The following VPS36 variants were observed in gnomAD, a reference collection of about 807,000 sequenced individuals.
VPS36 encodes the protein vacuolar protein sorting 36 homolog, also known as vacuolar protein-sorting-associated protein 36.
VPS36 carries 31 observed loss-of-function variants against 63.5 expected under a neutral mutation model. That is an observed-to-expected ratio of 0.49 (90% CI 0.37 to 0.66). The LOEUF is 0.66. Among genes scored for constraint, VPS36 ranks in the 30% least tolerant of loss-of-function variants. The pLI is 0.00. For missense variants in VPS36, 338 were observed against 463.7 expected (o/e 0.73, Z 2.49); for synonymous variants, 138 against 157.2 (o/e 0.88, Z 0.91).
At chr13:52,425,063 A>C (rs1040975784) in intron 9 of VPS36, among the ~76,000 whole-genome samples, 30 of 151,786 alleles carry the variant, frequency 2.0e-4, no homozygotes, top group Non-Finnish European at 2.9e-5. Context: ...GATTGAGACT[A>C]CGGTGAAACC....
rs535346747 is a variant in VPS36 at position 52,413,414 on chromosome 13, A to C, written c.*2416T>G. ...TAAGCAACTCTTAATTATAAAATCC[A>C]AAGGAAAAATTCTTAACATAACTGG... On this transcript the variant is annotated 3_prime_UTR_variant, in exon 14 of 14. Transcript: ENST00000378060. 1 of 152,378 alleles carries C rather than the reference A, an allele frequency of 6.6e-6. No individual in the cohort carries two copies. Among genetic ancestry groups the C allele is most frequent in the African/African-American group, 2.4e-5 (1 of 41,592 alleles). 9.4% of individuals were successfully genotyped at this position (152,378 alleles called of 1,614,324 possible).
chr13:52,423,485 A>T, intron 10 of VPS36, 89 bp downstream of exon 10: 1 of 1,167,296 alleles, frequency 8.6e-7, no homozygotes, highest in Non-Finnish European at 1.3e-6. Context: ...TAGCTTTGAT[A>T]TTCACAACCC....
intron 9 of VPS36, 37 bp downstream of exon 9, chr13:52,425,895 C>T (rs772030500): frequency 6.3e-7 from 1 of 1,586,296 alleles, no homozygotes. Context: ...GCTAATTTAA[C>T]ACAGTTTAAA....
In VPS36 at chr13:52,415,724, G is replaced by A. The variant is rs962465633; in HGVS notation, c.*106C>T. ...AAAGAGATTTACATTGCACTGTGAA[G>A]TTCCAATAAATTCTCAATTGATCGG... On this transcript the variant is annotated 3_prime_UTR_variant, in exon 14 of 14. Transcript: ENST00000378060. The A allele has an allele frequency of 9.5e-6, 10 of 1,048,614 alleles. No individual in the cohort carries two copies. In the African/African-American group the frequency reaches 1.6e-4, roughly 17 times the overall value. The allele number at this position is 1,048,614 out of a possible 1,614,324, so 65.0% of individuals were successfully genotyped here. A position where few individuals can be genotyped will look rare whatever the true frequency, so the allele number is the denominator to read the frequency against.
Position 52,414,055 on chromosome 13 carries a change from G to C in VPS36, c.*1775C>G, listed in dbSNP as rs1230561645. 6.6e-6 allele frequency: 1 copy of C among 152,106 alleles called. No homozygotes were observed. The highest frequency in any genetic ancestry group is 2.1e-4 in the South Asian group (1 of 4,826). 9.4% of individuals were successfully genotyped at this position (152,106 alleles called of 1,614,324 possible). The stretch of plus-strand genomic sequence containing the variant: ...ATATGTTAAATTATGTAGGTTTGCA[G>C]TAATGAATCCAAACCATTAGCGCTA... On this transcript the variant is annotated 3_prime_UTR_variant, in exon 14 of 14. Transcript: ENST00000378060.
chr13:52,450,477 G>C (rs534506363), intron 1 of VPS36, 22 bp downstream of exon 1: 2 of 1,582,360 alleles, frequency 1.3e-6, no homozygotes, highest in South Asian at 2.3e-5. Flanking sequence ...CAGCCCGTTG[G>C]GAAGGTTGGC....
At chr13:52,440,934 C>G (rs1159032676) in intron 2 of VPS36, among the ~76,000 whole-genome samples, 1 of 152,118 alleles carries the variant, frequency 6.6e-6, no homozygotes, top group African/African-American at 2.4e-5. Flanking sequence ...GACCATCAGG[C>G]ATTAGACTCT....
At chr13:52,431,462 C>T (rs1566086311) in intron 6 of VPS36, among the ~76,000 whole-genome samples, 1 of 151,908 alleles carries the variant, frequency 6.6e-6, no homozygotes, top group Non-Finnish European at 1.5e-5. Flanking sequence ...ATATCATTTC[C>T]CACTAAAAGA....
rs2137767322 is a variant in VPS36, at chr13:52,416,145, T to G, written c.991-52A>C. ...AATGTAATTAATTTAGGACACTAAT[T>G]TAAACACACTCTGGGTTCTAATGGT... On this transcript the variant is annotated intron_variant, in intron 12 of 13. Transcript: ENST00000378060. 4 of 1,559,582 alleles carry G rather than the reference T, an allele frequency of 2.6e-6. No individual in the cohort carries two copies. The East Asian group carries it at 9.0e-5, about 35-fold the overall frequency.
intron 2 of VPS36, among the ~76,000 whole-genome samples, chr13:52,439,416 A>G (rs1438988394): frequency 6.6e-6 from 1 of 152,008 alleles, no homozygotes; most frequent in Non-Finnish European, 1.5e-5. Flanking sequence ...TGTTTTTACA[A>G]TGGGTGTATT....
chr13:52,439,063 T>C, intron 3 of VPS36, 35 bp downstream of exon 3: 1 of 1,590,798 alleles, frequency 6.3e-7, no homozygotes. Context: ...GGAAATGTTT[T>C]CTGTGAATAA....
In VPS36 at chr13:52,433,751, G is replaced by GAAAAAAAA. The variant is rs555586882; in HGVS notation, c.442-11_442-4dup. The GAAAAAAAA allele has an allele frequency of 7.8e-7, 1 of 1,284,098 alleles. No individual in the cohort carries two copies. 79.5% of individuals were successfully genotyped at this position (1,284,098 alleles called of 1,614,324 possible). A position where few individuals can be genotyped will look rare whatever the true frequency, so the allele number is the denominator to read the frequency against. On this transcript the variant is annotated splice_region_variant and splice_polypyrimidine_tract_variant and intron_variant, in intron 5 of 13. Coordinates refer to ENST00000378060, the MANE Select transcript of VPS36 (RefSeq NM_016075.4). ...CCTACAGCCCTTATTCTTCCTGGCT[G>GAAAAAAAA]AAAAAAAAAAGAGGTAGAAAATAAA...
rs553038877 is a variant in VPS36 at position 52,445,438 on chromosome 13, G to T, written c.97-2993C>A. ...GCGGATCACGAGGTCAGGAGATCGA[G>T]ACCATCCTGACTAACACGGTGAAAC... On this transcript the variant is annotated intron_variant, in intron 1 of 13. Transcript: ENST00000378060. 3.3e-5 allele frequency among the ~76,000 whole-genome samples: 5 copies of T among 151,690 alleles called. No homozygotes were observed. The East Asian group carries it at 9.7e-4, about 29-fold the overall frequency.
intron 3 of VPS36, among the ~76,000 whole-genome samples, chr13:52,437,859 G>A (rs1018795988): frequency 4.6e-5 from 7 of 152,052 alleles, no homozygotes; most frequent in Non-Finnish European, 8.8e-5. Context: ...GAACCTGGGA[G>A]GCGGAGCTTG....
chr13:52,417,080 T>C lies in VPS36; in HGVS notation c.967A>G (p.Met323Val), dbSNP rs1958001113. 6.2e-7 allele frequency: 1 copy of C among 1,614,046 alleles called. No individual in the cohort carries two copies. Among genetic ancestry groups the C allele is most frequent in the Non-Finnish European group, 8.5e-7 (1 of 1,179,990 alleles). Residue 323 changes from methionine (M) to valine (V), a missense_variant, in exon 12 of 14, where the codon ATG (methionine) becomes GTG (valine). Met to Val is a conservative substitution (Grantham distance 21). Coordinates refer to ENST00000378060, the MANE Select transcript of VPS36 (RefSeq NM_016075.4). ...IELQSHKEEE[M>V]VASALETVSE... ...ACTGTCTCCAGGGCCGAGGCCACCA[T>C]TTCCTCTTCCTTGTGAGACTGAAGC...
intron 1 of VPS36, 176 bp downstream of exon 1, chr13:52,450,323 C>A: frequency 8.5e-7 from 1 of 1,178,076 alleles, no homozygotes; most frequent in Non-Finnish European, 1.0e-6. Context: ...CCACGTGCTA[C>A]CGACCGGCGG....
Position 52,414,002 on chromosome 13 carries a change from T to C in VPS36, c.*1828A>G, listed in dbSNP as rs987422533. ...ACAATTCAGATTGCTCCATTTTTTT[T>C]CATCAGTTGTCACACTAAAGTAAAC... On this transcript the variant is annotated 3_prime_UTR_variant, in exon 14 of 14. Transcript: ENST00000378060. 2 of 152,216 alleles carry C rather than the reference T, an allele frequency of 1.3e-5. No homozygotes were observed. The highest frequency in any genetic ancestry group is 2.4e-5 in the African/African-American group (1 of 41,456). 9.4% of individuals were successfully genotyped at this position (152,216 alleles called of 1,614,324 possible).
At chr13:52,436,506 C>T (rs1958219848) in intron 3 of VPS36, 102 bp from the exon 4 acceptor site, 1 of 817,510 alleles carries the variant, frequency 1.2e-6, no homozygotes, top group Admixed American at 2.6e-5. Flanking sequence ...TTTTAAAATT[C>T]ATGTAGAAAC....
Position 52,421,962 on chromosome 13 carries a change from T to C in VPS36, c.840+1612A>G, listed in dbSNP as rs1958051365. ...TACCTATTACCTGATGTATTTATCA[T>C]GTCTATGTTTTAGGAACATTTCAAG... On this transcript the variant is annotated intron_variant, in intron 10 of 13. Transcript: ENST00000378060. Among the ~76,000 whole-genome samples the C allele has an allele frequency of 2.6e-5, 4 of 152,220 alleles. No individual in the cohort carries two copies. In the South Asian group the frequency reaches 6.2e-4, roughly 24 times the overall value.
Sources: allele counts gnomAD v4.1 joint callset (sites outside exome capture counted in the v4.1 genomes callset), GRCh38; gene constraint gnomAD v4.1.1; transcripts MANE v1.5; gene names NCBI Gene and HGNC (gene_info 2026-07-23, HGNC 2026-07-21).